The following AMN1 variants were observed in gnomAD, a reference collection of about 807,000 sequenced individuals.
AMN1 encodes antagonist of mitotic exit network 1 homolog.
In AMN1, 20 loss-of-function variants were observed where a neutral mutation model predicts 33.0. The ratio of observed to expected loss-of-function variants is 0.61; its 90% CI spans 0.43 to 0.88. AMN1 has a LOEUF of 0.88. AMN1 is among the 40% of genes least tolerant of loss of function. The pLI, the probability that AMN1 is intolerant of heterozygous loss-of-function variation, is 0.00. For missense variants in AMN1, 246 were observed against 307.4 expected (o/e 0.80, Z 1.49); for synonymous variants, 114 against 111.9 (o/e 1.02, Z -0.12).
intron 3 of AMN1, among the ~76,000 whole-genome samples, chr12:31,699,629 T>G (rs1938902998): frequency 6.6e-6 from 1 of 152,106 alleles, no homozygotes; most frequent in Non-Finnish European, 1.5e-5. Flanking sequence ...TTATAATCTC[T>G]TAGAATAAAC....
chr12:31,723,209 C>CACACACAA (rs1939938810), intron 1 of AMN1, among the ~76,000 whole-genome samples: 1 of 152,220 alleles, frequency 6.6e-6, no homozygotes, highest in African/African-American at 2.4e-5. Context: ...TTGACTGACA[C>CACACACAA]ACACACAAAC....
intron 1 of AMN1, among the ~76,000 whole-genome samples, chr12:31,710,023 C>T (rs940575300): frequency 4.6e-5 from 7 of 152,118 alleles, no homozygotes; most frequent in African/African-American, 1.7e-4. Context: ...ATTTCTAAGA[C>T]ACATACTCCT....
chr12:31,719,292 T>G, intron 1 of AMN1: 1 of 920,064 alleles, frequency 1.1e-6, no homozygotes, highest in Non-Finnish European at 1.3e-6. Flanking sequence ...GCTGTTCCCA[T>G]TTAGCCATCT....
intron 1 of AMN1, among the ~76,000 whole-genome samples, chr12:31,720,477 T>C (rs1429371344): frequency 1.3e-5 from 2 of 151,722 alleles, no homozygotes; most frequent in Non-Finnish European, 2.9e-5. Context: ...GAGGAAGAGG[T>C]TTCAGTGAGC....
chr12:31,674,764 A>G (rs1364107460), intron 6 of AMN1, among the ~76,000 whole-genome samples: 2 of 152,126 alleles, frequency 1.3e-5, no homozygotes, highest in African/African-American at 4.8e-5. Flanking sequence ...CATGCCTGTA[A>G]TTCCAGCACT....
intron 6 of AMN1, chr12:31,673,177 T>A (rs1174108834): frequency 2.0e-5 from 3 of 152,130 alleles, no homozygotes; most frequent in African/African-American, 7.2e-5. Context: ...ACAACCTATG[T>A]TTTATGTACA....
chr12:31,727,526 A>G (rs1253060376), intron 1 of AMN1, among the ~76,000 whole-genome samples: 2 of 152,036 alleles, frequency 1.3e-5, no homozygotes, highest in South Asian at 2.1e-4. Context: ...GTCTTCTCTC[A>G]TATTTCTACC....
intron 3 of AMN1, 59 bp from the exon 4 acceptor site, chr12:31,698,016 A>C (rs990672056): frequency 1.1e-5 from 16 of 1,513,046 alleles, no homozygotes; most frequent in Non-Finnish European, 1.4e-5. Context: ...TATACATGAG[A>C]AATGTGACTG....
chr12:31,688,961 A>G, intron 6 of AMN1, 46 bp downstream of exon 6: 1 of 1,311,998 alleles, frequency 7.6e-7, no homozygotes, highest in Non-Finnish European at 1.1e-6. Flanking sequence ...GTCACACAGT[A>G]AAAGATGAAG....
At chr12:31,728,605 C>G (rs1372800838) in intron 1 of AMN1, among the ~76,000 whole-genome samples, 1 of 152,192 alleles carries the variant, frequency 6.6e-6, no homozygotes, top group African/African-American at 2.4e-5. Context: ...GGGTGGAATT[C>G]TGCTAGAAGC....
intron 5 of AMN1, among the ~76,000 whole-genome samples, chr12:31,696,261 T>C (rs980585690): frequency 7.9e-6 from 1 of 126,402 alleles, no homozygotes; most frequent in East Asian, 2.3e-4. Context: ...AATTAATTAA[T>C]TAAAATTAAA....
At chr12:31,707,714 T>C (rs1290469354) in intron 2 of AMN1, among the ~76,000 whole-genome samples, 1 of 152,134 alleles carries the variant, frequency 6.6e-6, no homozygotes, top group African/African-American at 2.4e-5. Context: ...AAACCACCAA[T>C]AAACCTTTTT....
intron 6 of AMN1, among the ~76,000 whole-genome samples, chr12:31,681,167 T>C (rs1937993312): frequency 6.6e-6 from 1 of 152,184 alleles, no homozygotes. Flanking sequence ...ATTTAAAAAA[T>C]TTATTTTTTT....
chr12:31,705,640 C>A (rs1939203879), intron 2 of AMN1, among the ~76,000 whole-genome samples: 1 of 152,144 alleles, frequency 6.6e-6, no homozygotes, highest in Non-Finnish European at 1.5e-5. Context: ...GAAAAGGAGT[C>A]AGGCTGGCAG....
rs11384337 is a variant in AMN1, at chr12:31,726,161, C to CTTT, written c.38+2807_38+2809dup. ...GAAGCTAAAACTAAAAGAGTAATTT[C>CTTT]TTTTTTTTTTTTTTGGGGGGACGGA... On this transcript the variant is annotated intron_variant, in intron 1 of 6. Transcript: ENST00000281471. Among the ~76,000 whole-genome samples, 15 of 142,248 alleles carry CTTT rather than the reference C, an allele frequency of 1.1e-4. 1 individual carries two copies. The highest frequency in any genetic ancestry group is 3.1e-4 in the African/African-American group (12 of 38,308). 93.3% of individuals were successfully genotyped at this position (142,248 alleles called of 152,430 possible). A position where few individuals can be genotyped will look rare whatever the true frequency, so the allele number is the denominator to read the frequency against.
intron 6 of AMN1, among the ~76,000 whole-genome samples, chr12:31,676,475 GC>G (rs1158642960): frequency 6.6e-6 from 1 of 150,808 alleles, no homozygotes; most frequent in Non-Finnish European, 1.5e-5. Flanking sequence ...CCAGAATTTG[GC>G]CCCCCCAGCT....
In AMN1 at chr12:31,677,106, G is replaced by A. The variant is rs562100476; in HGVS notation, c.704-4729C>T. On this transcript the variant is annotated intron_variant, in intron 6 of 6. Coordinates refer to ENST00000281471, the MANE Select transcript of AMN1 (RefSeq NM_001113402.2). ...GAGGTCAGGAGATCGAGACTATCCT[G>A]GCTAACATGGTGAAACCCCGCCTCT... is the stretch of plus-strand genomic sequence containing the variant. Among the ~76,000 whole-genome samples the A allele has an allele frequency of 2.1e-4, 32 of 149,318 alleles. 1 individual carries two copies. The South Asian group carries it at 6.2e-3, about 29-fold the overall frequency.
intron 3 of AMN1, among the ~76,000 whole-genome samples, chr12:31,699,793 G>A (rs1938910836): frequency 6.6e-6 from 1 of 152,188 alleles, no homozygotes; most frequent in South Asian, 2.1e-4. Flanking sequence ...AGTGGGGATA[G>A]TCTTGTGGGA....
At chr12:31,711,577 A>G (rs1939467787) in intron 1 of AMN1, among the ~76,000 whole-genome samples, 2 of 152,064 alleles carry the variant, frequency 1.3e-5, no homozygotes, top group Admixed American at 1.3e-4. Context: ...CTGTTTTGTT[A>G]TTTTTAAAAA....
Sources: gnomAD v4.1 joint callset for allele counts (sites outside exome capture counted in the v4.1 genomes callset) on GRCh38, gnomAD v4.1.1 for gene constraint, MANE v1.5 for transcripts, NCBI Gene and HGNC (gene_info 2026-07-23, HGNC 2026-07-21) for gene names.